The following GALNTL5 variants were observed in gnomAD, a reference collection of about 807,000 sequenced individuals.
GALNTL5 encodes the protein polypeptide N-acetylgalactosaminyltransferase like 5, also known as inactive polypeptide N-acetylgalactosaminyltransferase-like protein 5.
A neutral mutation model predicts 51.0 loss-of-function variants in GALNTL5; 44 were observed. The ratio of observed to expected loss-of-function variants is 0.86; its 90% CI spans 0.68 to 1.11. The LOEUF is 1.11. Ranked by LOEUF, GALNTL5 falls within the 50% of genes least tolerant of loss-of-function variation. GALNTL5 has a pLI of 0.00. For synonymous variants in GALNTL5, 192 were observed against 182.8 expected (o/e 1.05, Z -0.41); for missense variants, 528 against 531.8 (o/e 0.99, Z 0.07).
intron 2 of GALNTL5, among the ~76,000 whole-genome samples, chr7:151,967,776 C>T (rs918098991): frequency 6.6e-6 from 1 of 152,052 alleles, no homozygotes; most frequent in African/African-American, 2.4e-5. Context: ...AAAACTCCAC[C>T]TCCCTCCCGT....
At chr7:151,998,202 GTC>G (rs2081524896) in intron 5 of GALNTL5, among the ~76,000 whole-genome samples, 1 of 151,806 alleles carries the variant, frequency 6.6e-6, no homozygotes, top group South Asian at 2.1e-4. Flanking sequence ...GAGTGAGACT[GTC>G]TCTGTAAAAA....
intron 1 of GALNTL5, among the ~76,000 whole-genome samples, chr7:151,963,109 A>G (rs2081012578): frequency 6.6e-6 from 1 of 152,242 alleles, no homozygotes; most frequent in Non-Finnish European, 1.5e-5. Context: ...TAGTTTCACA[A>G]TCCAGTGTTG....
In GALNTL5 at chr7:152,002,741, A is replaced by C; in HGVS notation, c.686A>C (p.His229Pro). ...GATGTTCTGGTGTTCCTGGACAGCC[A>C]CTGTGAGGTGAACAGAGTATGGCTG... ...SGDVLVFLDS[H>P]CEVNRVWLEP... is the part of the protein sequence containing the mutation. Residue 229 changes from histidine (H) to proline (P), a missense_variant, in exon 6 of 9, where the codon CAC becomes CCC. Transcript: ENST00000392800. 6.2e-7 allele frequency: 1 copy of C among 1,614,194 alleles called. No individual in the cohort carries two copies.
At position 152,002,682 on chromosome 7, in the gene GALNTL5, G is replaced by A. The variant is rs748555052; in HGVS notation, c.659-32G>A. The stretch of plus-strand genomic sequence containing the variant: ...GATTGCCGTATTTTTTCAGCTATGT[G>A]GACTAACATTGCCCTGTTCTTGCCT... On this transcript the variant is annotated intron_variant, in intron 5 of 8. Transcript: ENST00000392800. 3.1e-6 allele frequency: 5 copies of A among 1,605,550 alleles called. No homozygotes were observed. The East Asian group carries it at 1.1e-4, about 36-fold the overall frequency.
chr7:151,990,121 C>A (rs1202296042), intron 5 of GALNTL5, among the ~76,000 whole-genome samples: 3 of 151,992 alleles, frequency 2.0e-5, no homozygotes, highest in Admixed American at 6.6e-5. Flanking sequence ...CGGCTCACTG[C>A]AACCTTCGCC....
intron 6 of GALNTL5, 86 bp downstream of exon 6, chr7:152,003,049 G>A (rs2081602765): frequency 8.5e-7 from 1 of 1,171,586 alleles, no homozygotes; most frequent in Non-Finnish European, 1.2e-6. Flanking sequence ...ATTCTTTCAA[G>A]TTCTTGGGCT....
intron 5 of GALNTL5, among the ~76,000 whole-genome samples, chr7:151,994,232 GCAGCAGCCAGC>G: frequency 6.6e-6 from 1 of 152,212 alleles, no homozygotes; most frequent in Non-Finnish European, 1.5e-5. Context: ...GGCAGGTGAG[GCAGCAGCCAGC>G]GGCCCTTCCT....
chr7:151,992,493 C>T (rs1214961269), intron 5 of GALNTL5, among the ~76,000 whole-genome samples: 1 of 152,158 alleles, frequency 6.6e-6, no homozygotes, highest in African/African-American at 2.4e-5. Flanking sequence ...CTGCCAGTCC[C>T]GGGCTGCAGC....
intron 7 of GALNTL5, among the ~76,000 whole-genome samples, chr7:152,010,730 T>C (rs2081723075): frequency 6.6e-6 from 1 of 151,402 alleles, no homozygotes. Context: ...ATCGTGCCAC[T>C]GCATTCCAGC....
At chr7:151,964,134 T>G (rs928865565) in intron 1 of GALNTL5, among the ~76,000 whole-genome samples, 5 of 152,140 alleles carry the variant, frequency 3.3e-5, no homozygotes, top group African/African-American at 1.2e-4. Context: ...CTCACCGGTC[T>G]TTTCTCTGTG....
chr7:151,989,236 A>G (rs983296643), intron 5 of GALNTL5, among the ~76,000 whole-genome samples: 1 of 150,016 alleles, frequency 6.7e-6, no homozygotes, highest in Non-Finnish European at 1.5e-5. Context: ...TGCAACCTCC[A>G]TCTCCCAGGT....
intron 1 of GALNTL5, among the ~76,000 whole-genome samples, chr7:151,962,143 C>T (rs1264657035): frequency 6.6e-6 from 1 of 151,834 alleles, no homozygotes; most frequent in Non-Finnish European, 1.5e-5. Context: ...GCTGAGATAA[C>T]AGGCGCATGC....
At chr7:151,994,287 G>A (rs1200897717) in intron 5 of GALNTL5, among the ~76,000 whole-genome samples, 5 of 152,288 alleles carry the variant, frequency 3.3e-5, no homozygotes, top group East Asian at 3.9e-4. Flanking sequence ...TGCTACCCAT[G>A]CACATTTATT....
intron 1 of GALNTL5, among the ~76,000 whole-genome samples, chr7:151,961,223 C>T (rs773928431): frequency 3.3e-5 from 5 of 151,936 alleles, no homozygotes; most frequent in Non-Finnish European, 7.4e-5. Context: ...CACAGTGGCT[C>T]ACACCTGTAA....
intron 2 of GALNTL5, 78 bp from the exon 3 acceptor site, chr7:151,970,867 G>A: frequency 1.7e-6 from 2 of 1,199,346 alleles, no homozygotes; most frequent in South Asian, 1.5e-5. Flanking sequence ...AATTGTTTTG[G>A]TTATTCTAGA....
At chr7:152,009,001 C>T (rs2081693572) in intron 7 of GALNTL5, among the ~76,000 whole-genome samples, 1 of 152,136 alleles carries the variant, frequency 6.6e-6, no homozygotes, top group African/African-American at 2.4e-5. Context: ...CTATAGATAG[C>T]AAATGACAAC....
intron 3 of GALNTL5, among the ~76,000 whole-genome samples, chr7:151,980,929 T>G (rs556996206): frequency 1.3e-5 from 2 of 151,664 alleles, no homozygotes; most frequent in South Asian, 4.2e-4. Context: ...GTATTTTTAG[T>G]AGAGACGGGG....
At chr7:151,970,728 A>G (rs2081124240) in intron 2 of GALNTL5, 1 of 322,486 alleles carries the variant, frequency 3.1e-6, no homozygotes, top group African/African-American at 2.3e-5. Flanking sequence ...TCTTTTCTTT[A>G]TAAATTACCC....
At chr7:151,980,476 T>A (rs2081264944) in intron 3 of GALNTL5, among the ~76,000 whole-genome samples, 2 of 152,190 alleles carry the variant, frequency 1.3e-5, no homozygotes, top group Non-Finnish European at 2.9e-5. Context: ...CATTCCCATC[T>A]GTTCCGGTGC....
Sources: gnomAD v4.1 joint callset for allele counts (sites outside exome capture counted in the v4.1 genomes callset) on GRCh38, gnomAD v4.1.1 for gene constraint, MANE v1.5 for transcripts, NCBI Gene and HGNC (gene_info 2026-07-23, HGNC 2026-07-21) for gene names.